SUCO: variants seen among roughly 807,000 people sequenced by gnomAD.
The protein encoded by SUCO is SUN domain-containing ossification factor.
Under a neutral mutation model 148.1 loss-of-function variants are expected in SUCO, and 57 were observed. The observed-to-expected ratio is 0.38, with a 90% CI of 0.31 to 0.48. The LOEUF (loss-of-function observed/expected upper bound fraction) is 0.48, where lower values mean the gene tolerates loss of function less well. Ranked by LOEUF, SUCO falls within the 20% of genes least tolerant of loss-of-function variation. The probability of loss-of-function intolerance (pLI) is 0.96; values close to 1 mark genes in which losing one functional copy is unlikely to be tolerated. For missense variants in SUCO, 1,331 were observed against 1,468.2 expected (o/e 0.91, Z 1.53); for synonymous variants, 470 against 502.7 (o/e 0.93, Z 0.87).
intron 1 of SUCO, among the ~76,000 whole-genome samples, chr1:172,536,806 A>C (rs571095695): frequency 2.0e-5 from 3 of 152,258 alleles, no homozygotes; most frequent in South Asian, 4.2e-4. Flanking sequence ...GGCCACCTGT[A>C]TTCTGTGGCC....
intron 2 of SUCO, 200 bp downstream of exon 2, chr1:172,551,826 T>C (rs1653324597): frequency 2.1e-6 from 1 of 483,988 alleles, no homozygotes; most frequent in Non-Finnish European, 3.7e-6. Context: ...TTGCTTGTAT[T>C]TGGAATTTTG....
At position 172,556,966 on chromosome 1, in the gene SUCO, C is replaced by T. The variant is rs909496985; in HGVS notation, c.444-314C>T. ...TTGAGATAATGACTTTTGAAGGATG[C>T]CATAAGTAACAACTTTAATGCTGGT... On this transcript the variant is annotated intron_variant, in intron 4 of 23. Coordinates refer to ENST00000263688, the MANE Select transcript of SUCO (RefSeq NM_014283.5). The T allele has an allele frequency of 7.1e-6, 7 of 981,224 alleles. No individual in the cohort carries two copies. The African/African-American group carries it at 1.2e-4, about 17-fold the overall frequency. The allele number at this position is 981,224 out of a possible 1,614,324, so 60.8% of individuals were successfully genotyped here.
intron 1 of SUCO, among the ~76,000 whole-genome samples, chr1:172,546,789 G>A (rs1652893777): frequency 6.6e-6 from 1 of 152,162 alleles, no homozygotes; most frequent in African/African-American, 2.4e-5. Context: ...CTTGCATGTA[G>A]TCCCAGCTAT....
rs1197733164 is a variant in SUCO at position 172,610,135 on chromosome 1, A to C, written c.3641A>C (p.Lys1214Thr). The C allele has an allele frequency of 6.2e-7, 1 of 1,613,774 alleles. No homozygotes were observed. The highest frequency in any genetic ancestry group is 1.7e-5 in the Admixed American group (1 of 59,948). The change falls in exon 24 of 24, where the codon AAA becomes ACA. Residue 1214 changes from lysine (K) to threonine (T), a missense_variant. By Grantham distance (78) the Lys-to-Thr change is moderately conservative. Coordinates refer to ENST00000263688, the MANE Select transcript of SUCO (RefSeq NM_014283.5). ...CGATCTAAAGTCCAAGACCAAGGAA[A>C]ATTGATAAAAACTCTAATACAGACT... The part of the protein sequence containing the change: ...RRRSKVQDQG[K>T]LIKTLIQTKS...
intron 22 of SUCO, 115 bp downstream of exon 22, chr1:172,602,902 G>A (rs1657625353): frequency 1.2e-6 from 1 of 866,390 alleles, no homozygotes; most frequent in South Asian, 1.6e-5. Context: ...GATACAAGTA[G>A]CCTTTGTCTT....
rs2149277448 is a variant in SUCO at position 172,611,547 on chromosome 1, T to G, written c.*1288T>G. On this transcript the variant is annotated 3_prime_UTR_variant, in exon 24 of 24. Coordinates refer to ENST00000263688, the MANE Select transcript of SUCO (RefSeq NM_014283.5). ...CCTTTCTTGGGTATTGTTTGTAATGTGACTTATTTAACGCCTTTTTTGTTT... is the reference window on the plus strand; with the variant it reads ...CCTTTCTTGGGTATTGTTTGTAATGGGACTTATTTAACGCCTTTTTTGTTT... 1 of 152,794 alleles carries G rather than the reference T, an allele frequency of 6.5e-6. No homozygotes were observed. Among genetic ancestry groups the G allele is most frequent in the African/African-American group, 2.4e-5 (1 of 41,594 alleles). The allele number at this position is 152,794 out of a possible 1,614,324, so 9.5% of individuals were successfully genotyped here.
intron 1 of SUCO, among the ~76,000 whole-genome samples, chr1:172,550,255 C>A (rs1456600718): frequency 2.0e-5 from 3 of 151,680 alleles, no homozygotes; most frequent in Non-Finnish European, 4.4e-5. Flanking sequence ...TTCAAACTAC[C>A]CCTATATATT....
chr1:172,574,015 T>G lies in SUCO; in HGVS notation c.1157+17T>G. 7.1e-7 allele frequency: 1 copy of G among 1,410,836 alleles called. No homozygotes were observed. The highest frequency in any genetic ancestry group is 1.8e-4 in the Middle Eastern group (1 of 5,652). The allele number at this position is 1,410,836 out of a possible 1,614,324, so 87.4% of individuals were successfully genotyped here. On this transcript the variant is annotated intron_variant, in intron 10 of 23. Transcript: ENST00000263688. ...CAGTGACAGGTAAATTCTAAAGCTG[T>G]TTCTATAGGGTCTATGTTGGATCTC... is the stretch of plus-strand genomic sequence containing the variant.
At chr1:172,545,891 TCTGTC>T (rs1652815599) in intron 1 of SUCO, among the ~76,000 whole-genome samples, 1 of 152,122 alleles carries the variant, frequency 6.6e-6, no homozygotes, top group South Asian at 2.1e-4. Flanking sequence ...CTTCCGTCCT[TCTGTC>T]CGTCCGTCCG....
chr1:172,532,545 C>A, upstream of SUCO: 1 of 1,613,856 alleles, frequency 6.2e-7, no homozygotes, highest in Non-Finnish European at 8.5e-7. Context: ...TCCATTGCCA[C>A]AGGGAAAGGG....
chr1:172,554,872 CTATT>C (rs1469817300), intron 3 of SUCO, among the ~76,000 whole-genome samples: 2 of 151,610 alleles, frequency 1.3e-5, no homozygotes, highest in African/African-American at 4.9e-5. Context: ...ATGCAGATGA[CTATT>C]TATATTTTTT....
rs539487540 is a variant in SUCO, at chr1:172,606,782, C to T, written c.3266-1965C>T. Among the ~76,000 whole-genome samples the T allele has an allele frequency of 2.9e-4, 44 of 151,702 alleles. No homozygotes were observed. The South Asian group carries it at 2.9e-3, about 10-fold the overall frequency. Reference sequence around the variant, plus strand: ...GAGAAATTCTCAACCATTATTTTTTCCTCCCAGATATTCCCTGTGCCCCAG... The same window carrying T: ...GAGAAATTCTCAACCATTATTTTTTTCTCCCAGATATTCCCTGTGCCCCAG... On this transcript the variant is annotated intron_variant, in intron 22 of 23. Coordinates refer to ENST00000263688, the MANE Select transcript of SUCO (RefSeq NM_014283.5).
At chr1:172,577,602 G>A in intron 12 of SUCO, 43 bp downstream of exon 12, 1 of 1,600,280 alleles carries the variant, frequency 6.2e-7, no homozygotes, top group Non-Finnish European at 8.5e-7. Context: ...ACAGGGCATG[G>A]CGTATTAATG....
rs769505483 is a variant in SUCO, at chr1:172,533,442, A to C, written c.7A>C (p.Lys3Gln). The change falls in exon 1 of 24, where the codon AAG (lysine) becomes CAG (glutamine). Residue 3 changes from lysine to glutamine, a missense_variant. Around this residue, in one of 3 missense-constraint regions of SUCO, gnomAD observed 992 missense variants for 1,093.5 expected, o/e 0.91. Coordinates refer to ENST00000263688, the MANE Select transcript of SUCO (RefSeq NM_014283.5). MK[K>Q]HRRALALVSC... is the part of the protein sequence containing the mutation. ...GGGGAAGAAGGAGGAGAAGATGAAGAAGCACCGGCGGGCCTTGGCCCTGGT... is the reference window on the plus strand; with the variant it reads ...GGGGAAGAAGGAGGAGAAGATGAAGCAGCACCGGCGGGCCTTGGCCCTGGT... 1.9e-6 allele frequency: 3 copies of C among 1,563,982 alleles called. No individual in the cohort carries two copies. Among genetic ancestry groups the C allele is most frequent in the Non-Finnish European group, 1.7e-6 (2 of 1,153,944 alleles).
intron 1 of SUCO, 22 bp from the exon 2 acceptor site, chr1:172,551,490 G>T (rs1263050206): frequency 1.4e-6 from 2 of 1,395,570 alleles, no homozygotes; most frequent in Non-Finnish European, 9.9e-7. Context: ...TCTGTTTGTT[G>T]GTGGTGGTGG....
intron 19 of SUCO, among the ~76,000 whole-genome samples, chr1:172,596,715 A>C (rs925041294): frequency 2.0e-5 from 3 of 152,204 alleles, no homozygotes; most frequent in African/African-American, 4.8e-5. Context: ...GGTGCCTCCC[A>C]GTTAGGCTAC....
Position 172,589,023 on chromosome 1 carries a change from T to A in SUCO, c.1922T>A (p.Val641Asp). The A allele has an allele frequency of 6.2e-7, 1 of 1,613,544 alleles. No homozygotes were observed. The highest frequency in any genetic ancestry group is 8.5e-7 in the Non-Finnish European group (1 of 1,179,774). ...EYIYKWCSVR[V>D]ALYRQRSRTA... ...ATATATAAATGGTGTTCAGTTAGAG[T>A]TGCTCTTTATCGGCAGCGCAGCCGA... The change falls in exon 18 of 24, where the codon GTT becomes GAT. Residue 641 changes from valine to aspartate, a missense_variant. By Grantham distance (152) the Val-to-Asp change is radical. Coordinates refer to ENST00000263688, the MANE Select transcript of SUCO (RefSeq NM_014283.5).
chr1:172,581,698 A>G (rs919101670), intron 15 of SUCO, among the ~76,000 whole-genome samples: 2 of 152,128 alleles, frequency 1.3e-5, no homozygotes, highest in East Asian at 1.9e-4. Flanking sequence ...AAATTGGCCC[A>G]TTTTGAAACT....
At chr1:172,534,687 C>T (rs1424547411) in intron 1 of SUCO, among the ~76,000 whole-genome samples, 1 of 152,188 alleles carries the variant, frequency 6.6e-6, no homozygotes, top group Non-Finnish European at 1.5e-5. Context: ...CCCCTTTCTA[C>T]TTACTGTGTT....
Sources: allele counts gnomAD v4.1 joint callset (sites outside exome capture counted in the v4.1 genomes callset), GRCh38; gene constraint gnomAD v4.1.1; regional missense constraint gnomAD v4.1.1; transcripts MANE v1.5; gene names NCBI Gene and HGNC (gene_info 2026-07-23, HGNC 2026-07-21).